The following TRIM71 variants were observed in gnomAD, a reference collection of about 807,000 sequenced individuals.
The protein encoded by TRIM71 is E3 ubiquitin-protein ligase TRIM71.
TRIM71 carries 9 observed loss-of-function variants against 61.2 expected under a neutral mutation model. The observed-to-expected ratio is 0.15, with a 90% CI of 0.09 to 0.26. The LOEUF is 0.26. TRIM71 is among the 10% of genes least tolerant of loss of function. TRIM71 has a pLI of 1.00. For synonymous variants in TRIM71, 645 were observed against 553.2 expected (o/e 1.17, Z -2.33); for missense variants, 998 against 1,238.7 (o/e 0.81, Z 2.92).
At chr3:32,873,066 T>TCCCTCCCC (rs1559548233) in intron 1 of TRIM71, among the ~76,000 whole-genome samples, 1 of 79,144 alleles carries the variant, frequency 1.3e-5, no homozygotes, top group Non-Finnish European at 3.1e-5. Context: ...TCTCTCTTCC[T>TCCCTCCCC]CCCTCCCTCC....
intron 1 of TRIM71, among the ~76,000 whole-genome samples, chr3:32,832,296 T>C (rs1360370296): frequency 1.3e-5 from 2 of 152,146 alleles, no homozygotes; most frequent in African/African-American, 4.8e-5. Flanking sequence ...AGCAAGACCC[T>C]GTCCGTACAA....
intron 1 of TRIM71, among the ~76,000 whole-genome samples, chr3:32,854,863 A>G (rs1162577152): frequency 6.6e-6 from 1 of 152,206 alleles, no homozygotes; most frequent in African/African-American, 2.4e-5. Context: ...GAAGCAGTGA[A>G]CAAGACGGAA....
chr3:32,883,033 T>C (rs192540224), intron 2 of TRIM71, among the ~76,000 whole-genome samples: 1 of 152,348 alleles, frequency 6.6e-6, no homozygotes, highest in Admixed American at 6.5e-5. Flanking sequence ...TCTGCCTCAG[T>C]GTGCTCTTTG....
At chr3:32,888,886 G>A (rs1040709072) in intron 3 of TRIM71, among the ~76,000 whole-genome samples, 16 of 152,172 alleles carry the variant, frequency 1.1e-4, no homozygotes, top group Non-Finnish European at 1.3e-4. Context: ...AGCTGTGGTT[G>A]TGAAATGCTG....
At chr3:32,881,284 G>A (rs2125690923) in intron 2 of TRIM71, among the ~76,000 whole-genome samples, 1 of 152,252 alleles carries the variant, frequency 6.6e-6, no homozygotes, top group Non-Finnish European at 1.5e-5. Context: ...TCCCAAGAGT[G>A]TTGGGATTAC....
At chr3:32,878,479 G>T (rs2125690243) in intron 2 of TRIM71, among the ~76,000 whole-genome samples, 1 of 152,280 alleles carries the variant, frequency 6.6e-6, no homozygotes, top group South Asian at 2.1e-4. Flanking sequence ...GCCGGTCATG[G>T]TGGCACATGC....
In TRIM71 at chr3:32,852,974, A is replaced by G. The variant is rs181324999; in HGVS notation, c.853-20844A>G. On this transcript the variant is annotated intron_variant, in intron 1 of 3. Transcript: ENST00000383763. ...TGTGACATGCAAACACTTGACAGGG[A>G]CCCCCTTACTATAGATTTGGTTACC... 2.0e-5 allele frequency among the ~76,000 whole-genome samples: 3 copies of G among 152,090 alleles called. No homozygotes were observed. In the East Asian group the frequency reaches 5.8e-4, roughly 29 times the overall value.
chr3:32,842,580 C>G (rs1399185841), intron 1 of TRIM71, among the ~76,000 whole-genome samples: 1 of 152,218 alleles, frequency 6.6e-6, no homozygotes, highest in African/African-American at 2.4e-5. Flanking sequence ...TGGATAGAGT[C>G]CAGACCCGTG....
intron 2 of TRIM71, among the ~76,000 whole-genome samples, chr3:32,879,934 C>T (rs1312148423): frequency 6.6e-6 from 1 of 151,842 alleles, no homozygotes; most frequent in African/African-American, 2.4e-5. Flanking sequence ...GCACTCCAGC[C>T]TGGGCGACAG....
intron 1 of TRIM71, among the ~76,000 whole-genome samples, chr3:32,862,907 G>A (rs1575352534): frequency 2.6e-5 from 4 of 152,138 alleles, no homozygotes; most frequent in African/African-American, 9.7e-5. Flanking sequence ...CTCCAGGGAG[G>A]TTGCCTCTTG....
chr3:32,880,490 C>G (rs1318670771), intron 2 of TRIM71, among the ~76,000 whole-genome samples: 1 of 152,144 alleles, frequency 6.6e-6, no homozygotes, highest in Non-Finnish European at 1.5e-5. Context: ...ATCAGAGTTC[C>G]TAACTTATGA....
rs1696080841 is a variant in TRIM71, at chr3:32,818,275, C to T, written c.195C>T (p.Phe65=). The change falls in exon 1 of 4, where the codon TTC becomes TTT. Residue 65 remains phenylalanine, a synonymous_variant. Coordinates refer to ENST00000383763, the MANE Select transcript of TRIM71 (RefSeq NM_001039111.3). Reference sequence around the variant, plus strand: ...ACGTCCTGCCCTGCCTGCACGCCTTCTGCCGCCCCTGCCTCGAGGCGCACC... The same window carrying T: ...ACGTCCTGCCCTGCCTGCACGCCTTTTGCCGCCCCTGCCTCGAGGCGCACC... ...RLHVLPCLHA[F]CRPCLEAHRL... 1 of 1,425,080 alleles carries T rather than the reference C, an allele frequency of 7.0e-7. No individual in the cohort carries two copies. Among genetic ancestry groups the T allele is most frequent in the Non-Finnish European group, 9.1e-7 (1 of 1,101,852 alleles). 88.3% of individuals were successfully genotyped at this position (1,425,080 alleles called of 1,614,324 possible).
At chr3:32,877,797 C>G (rs1696865916) in intron 2 of TRIM71, among the ~76,000 whole-genome samples, 1 of 152,150 alleles carries the variant, frequency 6.6e-6, no homozygotes, top group Admixed American at 6.5e-5. Flanking sequence ...GTGACTTCCT[C>G]CACTACTTCT....
intron 1 of TRIM71, among the ~76,000 whole-genome samples, chr3:32,838,482 CA>C (rs1176693269): frequency 6.6e-6 from 1 of 151,104 alleles, no homozygotes; most frequent in Non-Finnish European, 1.5e-5. Context: ...CTCTGCCTCC[CA>C]AAGTGCAGAG....
chr3:32,854,906 T>C (rs964415621), intron 1 of TRIM71, among the ~76,000 whole-genome samples: 6 of 152,152 alleles, frequency 3.9e-5, no homozygotes, highest in Non-Finnish European at 7.3e-5. Flanking sequence ...TACAGTGATC[T>C]CCCTTACCCA....
At chr3:32,830,081 G>A (rs1262621665) in intron 1 of TRIM71, among the ~76,000 whole-genome samples, 2 of 151,802 alleles carry the variant, frequency 1.3e-5, no homozygotes, top group Non-Finnish European at 2.9e-5. Flanking sequence ...ATGCCACCGT[G>A]CCCGGGTAAT....
intron 2 of TRIM71, among the ~76,000 whole-genome samples, chr3:32,882,597 G>A (rs920857817): frequency 2.0e-5 from 3 of 152,056 alleles, no homozygotes; most frequent in Non-Finnish European, 4.4e-5. Context: ...AGGCTGGGGG[G>A]CGCGGTGGTG....
At chr3:32,889,347 G>A (rs1003593656) in intron 3 of TRIM71, among the ~76,000 whole-genome samples, 14 of 152,016 alleles carry the variant, frequency 9.2e-5, no homozygotes, top group African/African-American at 1.4e-4. Flanking sequence ...ACACAGTCAT[G>A]GCACACTACA....
At chr3:32,824,949 C>T (rs946145256) in intron 1 of TRIM71, among the ~76,000 whole-genome samples, 4 of 152,110 alleles carry the variant, frequency 2.6e-5, no homozygotes, top group African/African-American at 9.7e-5. Context: ...CATGTGCCAC[C>T]ATGCCTGGCT....
Sources: allele counts gnomAD v4.1 joint callset (sites outside exome capture counted in the v4.1 genomes callset), GRCh38; gene constraint gnomAD v4.1.1; transcripts MANE v1.5; gene names NCBI Gene and HGNC (gene_info 2026-07-23, HGNC 2026-07-21).